Variants in GABRG3 observed in about 807,000 individuals in gnomAD.
GABRG3 encodes gamma-aminobutyric acid receptor subunit gamma-3.
In GABRG3, 25 loss-of-function variants were observed where a neutral mutation model predicts 48.8. The ratio of observed to expected loss-of-function variants is 0.51; its 90% CI spans 0.37 to 0.72. GABRG3 has a LOEUF of 0.72. Among genes scored for constraint, GABRG3 ranks in the 30% least tolerant of loss-of-function variants. The pLI, the probability that GABRG3 is intolerant of heterozygous loss-of-function variation, is 0.00. For synonymous variants in GABRG3, 227 were observed against 217.6 expected, an observed-to-expected ratio of 1.04 and a Z score of -0.38; for missense variants, 394 against 577.9, an observed-to-expected ratio of 0.68 and a Z score of 3.26.
chr15:27,236,475 C>T lies in GABRG3; in HGVS notation c.271-90334C>T, dbSNP rs1889970228. Among the ~76,000 whole-genome samples, 1 of 152,210 alleles carries T rather than the reference C, an allele frequency of 6.6e-6. No individual in the cohort carries two copies. Among genetic ancestry groups the T allele is most frequent in the South Asian group, 2.1e-4 (1 of 4,826 alleles). Reference sequence around the variant, plus strand: ...AGTGTACCCTTCCTCAGTAACCTTTCACCAGAATTCTCTCTAAGCAGGAAG... The same window carrying T: ...AGTGTACCCTTCCTCAGTAACCTTTTACCAGAATTCTCTCTAAGCAGGAAG... On this transcript the variant is annotated intron_variant, in intron 3 of 9. Coordinates refer to ENST00000615808, the MANE Select transcript of GABRG3 (RefSeq NM_033223.5). The surrounding 1 kb of genome is among the most constrained non-coding windows in gnomAD (Gnocchi z 4.4).
chr15:27,039,414 G>A (rs1404892749), intron 3 of GABRG3, among the ~76,000 whole-genome samples: 1 of 152,176 alleles, frequency 6.6e-6, no homozygotes. Context: ...GTACAGGAGT[G>A]CAGCCGGCCT....
intron 5 of GABRG3, among the ~76,000 whole-genome samples, chr15:27,393,457 G>A (rs552691014): frequency 6.6e-6 from 1 of 152,134 alleles, no homozygotes; most frequent in Non-Finnish European, 1.5e-5. Flanking sequence ...TCCAAAGCAG[G>A]AGAATATATG....
intron 3 of GABRG3, among the ~76,000 whole-genome samples, chr15:27,219,827 T>C (rs1328177864): frequency 2.0e-5 from 3 of 152,228 alleles, no homozygotes; most frequent in African/African-American, 7.2e-5. Context: ...ACTTAACACA[T>C]GTTTTCAGAA....
Position 27,533,732 on chromosome 15 carries a change from G to A in GABRG3, c.*851G>A, listed in dbSNP as rs1220677565. On this transcript the variant is annotated 3_prime_UTR_variant, in exon 10 of 10. Transcript: ENST00000615808. Reference sequence around the variant, plus strand: ...GTCCAGCTTATGTTATATTATTATGGGTTCGGTAATTGTCATTTTGCAAAG... The same window carrying A: ...GTCCAGCTTATGTTATATTATTATGAGTTCGGTAATTGTCATTTTGCAAAG... 1.3e-5 allele frequency: 2 copies of A among 152,152 alleles called. No homozygotes were observed. The highest frequency in any genetic ancestry group is 4.8e-5 in the African/African-American group (2 of 41,436). 9.4% of individuals were successfully genotyped at this position (152,152 alleles called of 1,614,324 possible).
chr15:27,478,672 A>G (rs947405884), intron 5 of GABRG3, among the ~76,000 whole-genome samples: 1 of 152,234 alleles, frequency 6.6e-6, no homozygotes, highest in Non-Finnish European at 1.5e-5. Context: ...CTGAAAACAT[A>G]TATCAACACA....
intron 9 of GABRG3, 126 bp from the exon 10 acceptor site, chr15:27,532,474 A>G (rs369621376): frequency 1.3e-6 from 1 of 757,450 alleles, no homozygotes; most frequent in Non-Finnish European, 2.0e-6. Context: ...CATGGGGGGA[A>G]GGGCACACCC....
At chr15:27,341,174 G>A (rs1286550030) in intron 5 of GABRG3, among the ~76,000 whole-genome samples, 2 of 152,222 alleles carry the variant, frequency 1.3e-5, no homozygotes, top group Middle Eastern at 3.4e-3. Flanking sequence ...TTACTAGTGC[G>A]ATGGTGTAGG....
intron 7 of GABRG3, among the ~76,000 whole-genome samples, chr15:27,526,401 C>G (rs1891278743): frequency 6.6e-6 from 1 of 152,150 alleles, no homozygotes; most frequent in Non-Finnish European, 1.5e-5. Flanking sequence ...TTACTGTAGT[C>G]CCATTGAGCT....
chr15:27,016,498 A>T (rs898414125), intron 2 of GABRG3, among the ~76,000 whole-genome samples: 3 of 152,120 alleles, frequency 2.0e-5, no homozygotes, highest in Non-Finnish European at 4.4e-5. Flanking sequence ...CTTGTACATG[A>T]TAAGTCACTT....
intron 3 of GABRG3, among the ~76,000 whole-genome samples, chr15:27,258,943 C>A (rs1890697508): frequency 6.6e-6 from 1 of 152,180 alleles, no homozygotes; most frequent in Non-Finnish European, 1.5e-5. Flanking sequence ...CAGTTTACAT[C>A]CTACTTCTGT....
At chr15:27,109,518 A>G (rs1276599054) in intron 3 of GABRG3, among the ~76,000 whole-genome samples, 1 of 152,140 alleles carries the variant, frequency 6.6e-6, no homozygotes, top group East Asian at 1.9e-4. Context: ...CTGGCAACCA[A>G]TGATTGTTTT....
chr15:27,238,261 T>C (rs953469354), intron 3 of GABRG3, among the ~76,000 whole-genome samples: 1 of 152,250 alleles, frequency 6.6e-6, no homozygotes, highest in African/African-American at 2.4e-5. Context: ...TTGATGTGTT[T>C]AAGTGGATAC....
intron 5 of GABRG3, among the ~76,000 whole-genome samples, chr15:27,351,557 G>A (rs987050550): frequency 1.4e-5 from 2 of 146,412 alleles, no homozygotes; most frequent in South Asian, 4.4e-4. Flanking sequence ...TGGTGTTTGT[G>A]TGTGTATGGT....
chr15:27,269,383 T>C (rs1891013429), intron 3 of GABRG3, among the ~76,000 whole-genome samples: 1 of 152,228 alleles, frequency 6.6e-6, no homozygotes, highest in Admixed American at 6.5e-5. Context: ...GTTGTTCTTG[T>C]TACCCTGTGC....
intron 3 of GABRG3, among the ~76,000 whole-genome samples, chr15:27,091,727 A>C (rs1897188744): frequency 6.6e-6 from 1 of 152,148 alleles, no homozygotes; most frequent in African/African-American, 2.4e-5. Flanking sequence ...TCAGGTCAAA[A>C]CCAACAAACG....
chr15:27,196,686 A>T (rs767077161), intron 3 of GABRG3, among the ~76,000 whole-genome samples: 2 of 152,242 alleles, frequency 1.3e-5, no homozygotes, highest in Non-Finnish European at 2.9e-5. Flanking sequence ...CATTTAATTA[A>T]TCTTCATGGT....
chr15:27,148,801 TCC>T (rs1159827726), intron 3 of GABRG3, among the ~76,000 whole-genome samples: 7 of 152,004 alleles, frequency 4.6e-5, no homozygotes, highest in Admixed American at 2.0e-4. Context: ...TACGCATTCT[TCC>T]ATGATGTAAA....
intron 3 of GABRG3, among the ~76,000 whole-genome samples, chr15:27,032,254 C>T (rs6606859): frequency 1.3e-5 from 2 of 151,896 alleles, no homozygotes; most frequent in Admixed American, 6.6e-5. Flanking sequence ...TTCTCTGGTG[C>T]GATTCTCCAT....
At chr15:27,499,049 C>A (rs1890556055) in intron 6 of GABRG3, among the ~76,000 whole-genome samples, 1 of 152,118 alleles carries the variant, frequency 6.6e-6, no homozygotes, top group Non-Finnish European at 1.5e-5. Flanking sequence ...ACGGAGCAGA[C>A]CTCGTCAGTT....
Sources: allele counts gnomAD v4.1 joint callset (sites outside exome capture counted in the v4.1 genomes callset), GRCh38; gene constraint gnomAD v4.1.1; non-coding constraint Gnocchi (gnomAD v3.1); transcripts MANE v1.5; gene names NCBI Gene and HGNC (gene_info 2026-07-23, HGNC 2026-07-21).